The following RBFOX1 variants were observed in gnomAD, a reference collection of about 807,000 sequenced individuals.
The protein encoded by RBFOX1 is RNA binding fox-1 homolog 1.
In RBFOX1, 8 loss-of-function variants were observed where a neutral mutation model predicts 57.7. That is an observed-to-expected ratio of 0.14 (90% CI 0.08 to 0.25). The LOEUF is 0.25. Ranked by LOEUF, RBFOX1 falls within the 10% of genes least tolerant of loss-of-function variation. The probability of loss-of-function intolerance (pLI) is 1.00; values close to 1 mark genes in which losing one functional copy is unlikely to be tolerated. For missense variants in RBFOX1, 611 were observed against 548.5 expected, an observed-to-expected ratio of 1.11 and a Z score of -1.14; for synonymous variants, 326 against 222.4, an observed-to-expected ratio of 1.47 and a Z score of -4.15.
chr16:5,990,836 T>G (rs990001898), intron 4 of RBFOX1, among the ~76,000 whole-genome samples: 13 of 151,946 alleles, frequency 8.6e-5, no homozygotes, highest in East Asian at 5.8e-4. Context: ...TAGCTGGGTG[T>G]GGTGGTGCAC....
At chr16:5,399,826 G>C (rs1204240958) in intron 1 of RBFOX1, among the ~76,000 whole-genome samples, 1 of 151,950 alleles carries the variant, frequency 6.6e-6, no homozygotes, top group Non-Finnish European at 1.5e-5. Context: ...TATCCCTTAA[G>C]GTGAACTGTT....
At chr16:6,496,783 A>C (rs2095782804) in intron 2 of RBFOX1, among the ~76,000 whole-genome samples, 3 of 152,020 alleles carry the variant, frequency 2.0e-5, no homozygotes. Context: ...AACATGGTGA[A>C]ACGTCATCTC....
intron 3 of RBFOX1, among the ~76,000 whole-genome samples, chr16:5,828,786 G>A (rs1025772766): frequency 6.6e-6 from 1 of 152,190 alleles, no homozygotes; most frequent in African/African-American, 2.4e-5. Flanking sequence ...GCTGGGCAAG[G>A]AAGAGTATGG....
Position 6,773,974 on chromosome 16 carries a change from C to T in RBFOX1, c.-16+119324C>T, listed in dbSNP as rs73528889. The stretch of plus-strand genomic sequence containing the variant: ...ACGCACATGGTTCTCATGGTCCTCC[C>T]GTTTTCAACTGAACCTGTAATTAGC... On this transcript the variant is annotated intron_variant, in intron 3 of 15. Transcript: ENST00000550418. 1,413 of 985,278 alleles carry T rather than the reference C, an allele frequency of 1.4e-3. 16 individuals carry two copies. In the African/African-American group the frequency reaches 0.023, roughly 16 times the overall value. The allele number at this position is 985,278 out of a possible 1,614,324, so 61.0% of individuals were successfully genotyped here. A position where few individuals can be genotyped will look rare whatever the true frequency, so the allele number is the denominator to read the frequency against.
chr16:5,999,231 C>G (rs1247486564), intron 4 of RBFOX1, among the ~76,000 whole-genome samples: 1 of 152,190 alleles, frequency 6.6e-6, no homozygotes, highest in African/African-American at 2.4e-5. Context: ...CCTTCTCCCA[C>G]CTTATCTCTA....
intron 5 of RBFOX1, among the ~76,000 whole-genome samples, chr16:7,555,894 ATTGATTAGG>A (rs1310345684): frequency 6.6e-6 from 1 of 152,028 alleles, no homozygotes; most frequent in South Asian, 2.1e-4. Flanking sequence ...CAATGCTCTG[ATTGATTAGG>A]TTATGCTTCA....
chr16:7,101,303 A>G (rs1176746954), intron 4 of RBFOX1, among the ~76,000 whole-genome samples: 2 of 152,202 alleles, frequency 1.3e-5, no homozygotes, highest in African/African-American at 2.4e-5. Context: ...AATACATGAC[A>G]CACCATTGCG....
At chr16:6,999,632 C>T (rs1009864526) in intron 3 of RBFOX1, among the ~76,000 whole-genome samples, 1 of 152,056 alleles carries the variant, frequency 6.6e-6, no homozygotes, top group Non-Finnish European at 1.5e-5. Flanking sequence ...TTGTTTTGTG[C>T]TTTAATCTTC....
chr16:7,571,129 A>G (rs922186327), intron 5 of RBFOX1, among the ~76,000 whole-genome samples: 2 of 152,132 alleles, frequency 1.3e-5, no homozygotes, highest in African/African-American at 4.8e-5. Flanking sequence ...GGGGCTTATT[A>G]CTTAGGTGAT....
At chr16:7,217,747 G>C (rs1027582290) in intron 4 of RBFOX1, among the ~76,000 whole-genome samples, 5 of 152,190 alleles carry the variant, frequency 3.3e-5, no homozygotes, top group African/African-American at 1.2e-4. Context: ...CATCAGTAAA[G>C]ATTGCAAGGA....
intron 4 of RBFOX1, among the ~76,000 whole-genome samples, chr16:7,213,044 C>T (rs531373493): frequency 6.6e-6 from 1 of 152,024 alleles, no homozygotes; most frequent in South Asian, 2.1e-4. Context: ...TATAGATGAG[C>T]AGAAGTAAAT....
At chr16:6,617,897 G>T (rs2098166903) in intron 2 of RBFOX1, among the ~76,000 whole-genome samples, 1 of 152,110 alleles carries the variant, frequency 6.6e-6, no homozygotes, top group Admixed American at 6.6e-5. Context: ...GAAGTGTCTG[G>T]GGGCAGGGGT....
chr16:5,864,170 C>T (rs1262563922), intron 3 of RBFOX1, among the ~76,000 whole-genome samples: 6 of 152,194 alleles, frequency 3.9e-5, no homozygotes, highest in Non-Finnish European at 7.3e-5. Flanking sequence ...TTTTCTGTTG[C>T]TGTGTTAGTT....
chr16:5,391,876 T>C (rs1244397879), intron 1 of RBFOX1, among the ~76,000 whole-genome samples: 1 of 117,676 alleles, frequency 8.5e-6, no homozygotes, highest in Non-Finnish European at 1.8e-5. Flanking sequence ...GAAACTATGG[T>C]GTGTGTGTGT....
At chr16:5,913,018 A>C (rs1439457613) in intron 4 of RBFOX1, among the ~76,000 whole-genome samples, 12 of 152,166 alleles carry the variant, frequency 7.9e-5, no homozygotes, top group African/African-American at 2.2e-4. Flanking sequence ...AGAAGACCCA[A>C]GTCTAAGTTC....
At chr16:5,802,955 C>T (rs1010845) in intron 3 of RBFOX1, among the ~76,000 whole-genome samples, 52,652 of 152,046 alleles carry the variant, frequency 0.35, 10,372 homozygotes, top group South Asian at 0.51. Context: ...TTGAACTTTA[C>T]CAGGATGTAT....
At chr16:5,776,076 T>C (rs1027468638) in intron 3 of RBFOX1, among the ~76,000 whole-genome samples, 2 of 152,228 alleles carry the variant, frequency 1.3e-5, no homozygotes, top group African/African-American at 4.8e-5. Flanking sequence ...CCTTTCATTT[T>C]AATTAACATT....
chr16:6,483,284 C>T, intron 2 of RBFOX1: 1 of 1,373,872 alleles, frequency 7.3e-7, no homozygotes, highest in Non-Finnish European at 9.4e-7. Context: ...TGCCTCCTTG[C>T]ACGGGCTGCT....
chr16:7,377,362 T>A (rs866937197), intron 4 of RBFOX1, among the ~76,000 whole-genome samples: 1 of 152,286 alleles, frequency 6.6e-6, no homozygotes, highest in South Asian at 2.1e-4. Context: ...GACATCTCAT[T>A]CAGAAGAACC....
Sources: allele counts gnomAD v4.1 joint callset (sites outside exome capture counted in the v4.1 genomes callset), GRCh38; gene constraint gnomAD v4.1.1; transcripts MANE v1.5; gene names NCBI Gene and HGNC (gene_info 2026-07-23, HGNC 2026-07-21).